Variants in WNT7A observed in about 807,000 individuals in gnomAD.
The protein encoded by WNT7A is protein Wnt-7a.
A neutral mutation model predicts 28.2 loss-of-function variants in WNT7A; 16 were observed. The ratio of observed to expected loss-of-function variants is 0.57; its 90% confidence interval spans 0.38 to 0.86. The LOEUF is 0.86. Among genes scored for constraint, WNT7A ranks in the 40% least tolerant of loss-of-function variants. The pLI is 0.00. For missense variants in WNT7A, 411 were observed against 489.7 expected, an observed-to-expected ratio of 0.84 and a Z score of 1.52; for synonymous variants, 190 against 195.9, an observed-to-expected ratio of 0.97 and a Z score of 0.25.
At chr3:13,833,761 G>A (rs762635955) in intron 3 of WNT7A, among the ~76,000 whole-genome samples, 7 of 152,230 alleles carry the variant, frequency 4.6e-5, no homozygotes, top group South Asian at 2.1e-4. Context: ...GGCTGACAGC[G>A]GGGACATGGA....
chr3:13,877,735 A>G (rs1217632122), intron 1 of WNT7A, among the ~76,000 whole-genome samples: 1 of 152,226 alleles, frequency 6.6e-6, no homozygotes, highest in Admixed American at 6.5e-5. Context: ...GTGCTAGAAC[A>G]TGGAAAGTGC....
At chr3:13,848,270 T>C (rs748252427) in intron 3 of WNT7A, among the ~76,000 whole-genome samples, 13 of 152,106 alleles carry the variant, frequency 8.5e-5, no homozygotes, top group Admixed American at 8.5e-4. Context: ...AGAGACCCTA[T>C]GAAGATGATA....
At chr3:13,874,589 G>A (rs1288871163) in intron 2 of WNT7A, among the ~76,000 whole-genome samples, 2 of 152,158 alleles carry the variant, frequency 1.3e-5, no homozygotes, top group East Asian at 1.9e-4. Flanking sequence ...TGTAAATTAA[G>A]AGTAGATCTG....
At chr3:13,871,407 C>G (rs907703299) in intron 2 of WNT7A, among the ~76,000 whole-genome samples, 4 of 152,098 alleles carry the variant, frequency 2.6e-5, no homozygotes, top group Non-Finnish European at 4.4e-5. Context: ...ATGAGGAAAC[C>G]TAAGCTCAGG....
At chr3:13,868,247 G>A (rs987284035) in intron 2 of WNT7A, among the ~76,000 whole-genome samples, 1 of 151,926 alleles carries the variant, frequency 6.6e-6, no homozygotes, top group African/African-American at 2.4e-5. Context: ...TAATCCCATT[G>A]CTTTGGGAGG....
intron 2 of WNT7A, among the ~76,000 whole-genome samples, chr3:13,865,128 T>C (rs1357080897): frequency 6.6e-6 from 1 of 152,202 alleles, no homozygotes; most frequent in Non-Finnish European, 1.5e-5. Flanking sequence ...GCAGCTCCAC[T>C]GGGCAGTCAG....
intron 3 of WNT7A, among the ~76,000 whole-genome samples, chr3:13,854,217 G>C (rs2124858387): frequency 6.6e-6 from 1 of 152,204 alleles, no homozygotes; most frequent in East Asian, 1.9e-4. Flanking sequence ...AGAGAGGCAG[G>C]AAGGGAGCAA....
chr3:13,831,994 G>T (rs560459599), intron 3 of WNT7A, among the ~76,000 whole-genome samples: 1 of 151,952 alleles, frequency 6.6e-6, no homozygotes, highest in Non-Finnish European at 1.5e-5. Context: ...CCCCAACCCC[G>T]GGAGACAATA....
intron 2 of WNT7A, among the ~76,000 whole-genome samples, chr3:13,863,057 G>C (rs914387868): frequency 6.6e-6 from 1 of 152,164 alleles, no homozygotes; most frequent in Non-Finnish European, 1.5e-5. Flanking sequence ...TTGTAAAGTG[G>C]GAATACAAAA....
chr3:13,825,712 G>T (rs916687666), intron 3 of WNT7A, among the ~76,000 whole-genome samples: 2 of 152,156 alleles, frequency 1.3e-5, no homozygotes, highest in Non-Finnish European at 2.9e-5. Context: ...GACCAAGAGA[G>T]GCAAGGGTAT....
chr3:13,879,841 C>T lies in WNT7A; in HGVS notation c.-25G>A. ...TAGTCCCGATTGGCCGCCGGGGCCG[C>T]GGGCCGGGCTGTGCTGATCCCGCGG... On this transcript the variant is annotated 5_prime_UTR_variant, in exon 1 of 4. Coordinates refer to ENST00000285018, the MANE Select transcript of WNT7A (RefSeq NM_004625.4). 1 of 1,604,250 alleles carries T rather than the reference C, an allele frequency of 6.2e-7. No homozygotes were observed. Among genetic ancestry groups the T allele is most frequent in the Non-Finnish European group, 8.5e-7 (1 of 1,175,236 alleles).
intron 1 of WNT7A, among the ~76,000 whole-genome samples, chr3:13,876,449 C>T (rs1435742393): frequency 6.6e-6 from 1 of 152,108 alleles, no homozygotes; most frequent in Non-Finnish European, 1.5e-5. Context: ...CTGTGGGGTG[C>T]CAGAGCAGGA....
chr3:13,835,088 A>T (rs1694344924), intron 3 of WNT7A, among the ~76,000 whole-genome samples: 1 of 152,316 alleles, frequency 6.6e-6, no homozygotes, highest in Middle Eastern at 3.4e-3. Flanking sequence ...GGCTAGGCAG[A>T]GGGAAGAGCA....
intron 3 of WNT7A, among the ~76,000 whole-genome samples, chr3:13,824,674 G>A (rs906517693): frequency 1.3e-5 from 2 of 152,134 alleles, no homozygotes; most frequent in Non-Finnish European, 1.5e-5. Context: ...AGCTGCCTCC[G>A]CTTGAGCAAG....
chr3:13,839,274 C>T (rs985375890), intron 3 of WNT7A, among the ~76,000 whole-genome samples: 1 of 152,208 alleles, frequency 6.6e-6, no homozygotes, highest in South Asian at 2.1e-4. Flanking sequence ...CACATGGAAC[C>T]GGGAGCTGCA....
At chr3:13,828,937 G>A (rs1694237916) in intron 3 of WNT7A, among the ~76,000 whole-genome samples, 1 of 151,090 alleles carries the variant, frequency 6.6e-6, no homozygotes, top group Middle Eastern at 3.4e-3. Flanking sequence ...CCACATGCTG[G>A]TGATGGCAGA....
chr3:13,856,963 A>AAGAAGAAGGAGAAGGAGAAGGAGAAGG (rs1559303383), intron 2 of WNT7A, among the ~76,000 whole-genome samples: 1 of 115,306 alleles, frequency 8.7e-6, no homozygotes, highest in Non-Finnish European at 1.7e-5. Context: ...GAAGAAGAAG[A>AAGAAGAAGGAGAAGGAGAAGGAGAAGG]AGAAGGAGAA....
intron 3 of WNT7A, 150 bp from the exon 4 acceptor site, chr3:13,819,573 G>T: frequency 8.7e-7 from 1 of 1,144,622 alleles, no homozygotes. Context: ...CTCAGACCTG[G>T]ATTCTAGGCC....
rs763017703 is a variant in WNT7A at position 13,875,073 on chromosome 3, C to T, written c.172G>A (p.Ala58Thr). ...GAGCCTTCTCCTATGACGATGATGG[C>T]GTCGGGCCGGCTCTGGCAGATCGCC... The part of the protein sequence containing the change: ...QRAICQSRPD[A>T]IIVIGEGSQM... The change falls in exon 2 of 4, where the codon GCC becomes ACC. Residue 58 changes from alanine (A) to threonine (T), a missense_variant. Transcript: ENST00000285018. The T allele has an allele frequency of 9.3e-6, 15 of 1,614,078 alleles. No homozygotes were observed. The highest frequency in any genetic ancestry group is 1.6e-4 in the Middle Eastern group (1 of 6,084).
Sources: allele counts gnomAD v4.1 joint callset (sites outside exome capture counted in the v4.1 genomes callset), GRCh38; gene constraint gnomAD v4.1.1; transcripts MANE v1.5; gene names NCBI Gene and HGNC (gene_info 2026-07-23, HGNC 2026-07-21).